CCDC18: variants seen among roughly 807,000 people sequenced by gnomAD.
CCDC18 encodes the protein coiled-coil domain containing 18.
CCDC18 carries 157 observed loss-of-function variants against 196.0 expected under a neutral mutation model. The ratio of observed to expected loss-of-function variants is 0.80; its 90% CI spans 0.70 to 0.91. CCDC18 has a LOEUF of 0.91. CCDC18 is among the 40% of genes least tolerant of loss of function. CCDC18 has a pLI of 0.00. For synonymous variants in CCDC18, 482 were observed against 529.2 expected, an observed-to-expected ratio of 0.91 and a Z score of 1.22; for missense variants, 1,465 against 1,611.6, an observed-to-expected ratio of 0.91 and a Z score of 1.56.
intron 7 of CCDC18, among the ~76,000 whole-genome samples, chr1:93,203,830 G>C (rs1280365776): frequency 6.6e-6 from 1 of 151,918 alleles, no homozygotes; most frequent in African/African-American, 2.4e-5. Flanking sequence ...GACCCTGTCT[G>C]TAAAAAATCA....
chr1:93,216,581 T>TC, intron 12 of CCDC18, 55 bp from the exon 13 acceptor site: 3 of 887,972 alleles, frequency 3.4e-6, no homozygotes, highest in South Asian at 3.4e-5. Flanking sequence ...GATCTTAGAA[T>TC]GCAAAATCAT....
chr1:93,193,921 T>C (rs781576843), intron 6 of CCDC18, among the ~76,000 whole-genome samples, 177 bp downstream of exon 6: 6 of 152,092 alleles, frequency 3.9e-5, no homozygotes, highest in Non-Finnish European at 2.9e-5. Context: ...TGTTTATATG[T>C]GGAATTTATG....
chr1:93,268,554 A>G (rs916111229), intron 27 of CCDC18, among the ~76,000 whole-genome samples: 2 of 147,818 alleles, frequency 1.4e-5, no homozygotes, highest in Admixed American at 1.3e-4. Context: ...AATATCCAGA[A>G]TCTACAAAGA....
chr1:93,190,209 G>A (rs1352888093), intron 4 of CCDC18, among the ~76,000 whole-genome samples: 1 of 151,966 alleles, frequency 6.6e-6, no homozygotes, highest in Non-Finnish European at 1.5e-5. Flanking sequence ...AAGCTTTTGG[G>A]CCGGGCACGG....
In CCDC18 at chr1:93,226,319, T is replaced by G; in HGVS notation, c.2176-14T>G. The G allele has an allele frequency of 8.5e-7, 1 of 1,172,510 alleles. No homozygotes were observed. Among genetic ancestry groups the G allele is most frequent in the Non-Finnish European group, 1.2e-6 (1 of 834,532 alleles). The allele number at this position is 1,172,510 out of a possible 1,614,324, so 72.6% of individuals were successfully genotyped here. ...TTGTGTTTTTTTTTTTTTTTTGCTT[T>G]TTTTCCTGCTTAGGTTAGGCAACTA... On this transcript the variant is annotated splice_polypyrimidine_tract_variant and intron_variant, in intron 16 of 28. Transcript: ENST00000690025.
intron 19 of CCDC18, among the ~76,000 whole-genome samples, chr1:93,238,566 G>A (rs1660351689): frequency 6.6e-6 from 1 of 152,098 alleles, no homozygotes; most frequent in Non-Finnish European, 1.5e-5. Flanking sequence ...AGAAAGTGTT[G>A]ACACAAAGGA....
chr1:93,239,493 A>G lies in CCDC18; in HGVS notation c.2767+20A>G. On this transcript the variant is annotated intron_variant, in intron 20 of 28. Coordinates refer to ENST00000690025, the MANE Select transcript of CCDC18 (RefSeq NM_001378204.1). ...ATGCTGGTAAGCAAGTGGTTAGATG[A>G]GTATAGCTGCCTATGTATTTGTACT... is the stretch of plus-strand genomic sequence containing the variant. The G allele has an allele frequency of 1.3e-6, 2 of 1,588,584 alleles. No individual in the cohort carries two copies. Among genetic ancestry groups the G allele is most frequent in the Non-Finnish European group, 8.5e-7 (1 of 1,170,330 alleles).
intron 23 of CCDC18, among the ~76,000 whole-genome samples, chr1:93,248,496 C>T (rs561938613): frequency 8.5e-5 from 13 of 152,318 alleles, no homozygotes; most frequent in Non-Finnish European, 1.8e-4. Flanking sequence ...ACCATCTTGG[C>T]ATCCCTGGGA....
chr1:93,239,140 A>G (rs530528865), intron 19 of CCDC18, among the ~76,000 whole-genome samples, 170 bp from the exon 20 acceptor site: 11 of 151,666 alleles, frequency 7.3e-5, no homozygotes, highest in African/African-American at 2.7e-4. Context: ...TGTAATGTGT[A>G]AAGGAATAGT....
intron 11 of CCDC18, among the ~76,000 whole-genome samples, chr1:93,214,148 G>C (rs1656115158): frequency 6.6e-6 from 1 of 152,140 alleles, no homozygotes; most frequent in Non-Finnish European, 1.5e-5. Flanking sequence ...GGATGGTCTT[G>C]AATTGGGCTC....
chr1:93,220,567 A>G (rs1370351010), intron 14 of CCDC18, among the ~76,000 whole-genome samples: 1 of 152,204 alleles, frequency 6.6e-6, no homozygotes, highest in Non-Finnish European at 1.5e-5. Context: ...TGACAACGAC[A>G]GTGTAAAGGG....
intron 6 of CCDC18, among the ~76,000 whole-genome samples, chr1:93,194,024 T>C (rs1206980292): frequency 2.6e-5 from 4 of 152,130 alleles, no homozygotes; most frequent in African/African-American, 4.8e-5. Flanking sequence ...TTCTATGGCC[T>C]ATTTGAAACC....
chr1:93,192,191 C>T, intron 5 of CCDC18, 85 bp downstream of exon 5: 1 of 903,426 alleles, frequency 1.1e-6, no homozygotes, highest in Admixed American at 2.2e-5. Flanking sequence ...TCCCCACACC[C>T]AATAAATTTA....
intron 6 of CCDC18, among the ~76,000 whole-genome samples, chr1:93,199,398 G>A (rs750739012): frequency 7.2e-5 from 11 of 152,234 alleles, no homozygotes; most frequent in Non-Finnish European, 1.5e-4. Flanking sequence ...TATAGCATAA[G>A]CAGCTTCTGT....
At chr1:93,248,994 AT>A (rs1352901831) in intron 23 of CCDC18, among the ~76,000 whole-genome samples, 267 of 145,446 alleles carry the variant, frequency 1.8e-3, no homozygotes, top group Non-Finnish European at 3.2e-3. Flanking sequence ...AAAAAAAAAA[AT>A]GTTCCCTCCT....
chr1:93,208,905 C>A (rs1433484016), intron 9 of CCDC18, among the ~76,000 whole-genome samples: 6 of 151,716 alleles, frequency 4.0e-5, no homozygotes, highest in Non-Finnish European at 8.8e-5. Flanking sequence ...AATTCGTGAT[C>A]CCCCTGCCTT....
chr1:93,266,680 A>C (rs1271306323), intron 27 of CCDC18, among the ~76,000 whole-genome samples: 1 of 152,202 alleles, frequency 6.6e-6, no homozygotes, highest in Non-Finnish European at 1.5e-5. Flanking sequence ...ACACAAATAA[A>C]CTAGAAAACC....
At chr1:93,266,536 T>A (rs551848313) in intron 27 of CCDC18, among the ~76,000 whole-genome samples, 1 of 152,182 alleles carries the variant, frequency 6.6e-6, no homozygotes, top group African/African-American at 2.4e-5. Flanking sequence ...ACAAAATTGA[T>A]AGACCGCTAG....
intron 17 of CCDC18, among the ~76,000 whole-genome samples, chr1:93,230,730 T>C (rs1251562830): frequency 1.3e-5 from 2 of 152,210 alleles, no homozygotes; most frequent in Non-Finnish European, 2.9e-5. Flanking sequence ...TGTTTTGTCT[T>C]ATTTTAATAT....
Sources: gnomAD v4.1 joint callset for allele counts (sites outside exome capture counted in the v4.1 genomes callset) on GRCh38, gnomAD v4.1.1 for gene constraint, MANE v1.5 for transcripts, NCBI Gene and HGNC (gene_info 2026-07-23, HGNC 2026-07-21) for gene names.